Variants in FMNL2 observed in about 807,000 individuals in gnomAD.
The protein encoded by FMNL2 is formin like 2, also known as formin-like protein 2.
FMNL2 carries 51 observed loss-of-function variants against 130.2 expected under a neutral mutation model. The observed-to-expected ratio is 0.39, with a 90% CI of 0.31 to 0.49. FMNL2 has a LOEUF of 0.49. Among genes scored for constraint, FMNL2 ranks in the 20% least tolerant of loss-of-function variants. The pLI is 0.85. For synonymous variants in FMNL2, 465 were observed against 467.1 expected (o/e 1.00, Z 0.06); for missense variants, 977 against 1,316.2 (o/e 0.74, Z 3.99).
chr2:152,444,816 C>T (rs1398876793), intron 1 of FMNL2, among the ~76,000 whole-genome samples: 1 of 152,124 alleles, frequency 6.6e-6, no homozygotes, highest in Admixed American at 6.5e-5. Context: ...GTCCCCTGCT[C>T]CACCATGTGT....
chr2:152,513,936 A>G (rs560067178), intron 1 of FMNL2, among the ~76,000 whole-genome samples: 1 of 152,204 alleles, frequency 6.6e-6, no homozygotes, highest in African/African-American at 2.4e-5. Context: ...AAGAAGCTGA[A>G]TAGATTTTAG....
chr2:152,435,555 G>T (rs1255639019), intron 1 of FMNL2, among the ~76,000 whole-genome samples: 3 of 151,324 alleles, frequency 2.0e-5, no homozygotes, highest in African/African-American at 4.9e-5. Flanking sequence ...TAGGATATTA[G>T]GAAGAACCTC....
chr2:152,564,776 G>GTTT lies in FMNL2; in HGVS notation c.596+3761_596+3763dup, dbSNP rs56378937. ...CACTGCGTTCTAAAATACAAGGTTGGTTTTTTTTTTTTTTTTTTTTTTAAC... is the reference window on the plus strand; with the variant it reads ...CACTGCGTTCTAAAATACAAGGTTGGTTTTTTTTTTTTTTTTTTTTTTTTTAAC... On this transcript the variant is annotated intron_variant, in intron 6 of 25. Coordinates refer to ENST00000288670, the MANE Select transcript of FMNL2 (RefSeq NM_052905.4). Among the ~76,000 whole-genome samples, 480 of 79,318 alleles carry GTTT rather than the reference G, an allele frequency of 6.1e-3. 13 individuals are homozygous for GTTT. The highest frequency in any genetic ancestry group is 8.8e-3 in the South Asian group (17 of 1,926). 52.0% of individuals were successfully genotyped at this position (79,318 alleles called of 152,430 possible).
At chr2:152,627,746 T>A (rs759863549) in intron 17 of FMNL2, among the ~76,000 whole-genome samples, 1 of 152,220 alleles carries the variant, frequency 6.6e-6, no homozygotes, top group Non-Finnish European at 1.5e-5. Context: ...AAAAAGAACT[T>A]CAAGGAATGT....
chr2:152,491,428 C>T (rs976282845), intron 1 of FMNL2, among the ~76,000 whole-genome samples: 1 of 152,256 alleles, frequency 6.6e-6, no homozygotes, highest in Middle Eastern at 3.4e-3. Flanking sequence ...TATTTTCTAT[C>T]CTGATTCAGT....
At chr2:152,354,197 G>A (rs1420573508) in intron 1 of FMNL2, among the ~76,000 whole-genome samples, 1 of 152,176 alleles carries the variant, frequency 6.6e-6, no homozygotes, top group Non-Finnish European at 1.5e-5. Context: ...CCACTGAGCA[G>A]CTTGTTCACA....
intron 1 of FMNL2, among the ~76,000 whole-genome samples, chr2:152,449,127 T>C (rs1228858810): frequency 6.6e-6 from 1 of 152,228 alleles, no homozygotes; most frequent in Non-Finnish European, 1.5e-5. Flanking sequence ...TTGTGCCTCT[T>C]AGTTGCTAGA....
chr2:152,415,769 T>A (rs943488136), intron 1 of FMNL2, among the ~76,000 whole-genome samples: 4 of 152,238 alleles, frequency 2.6e-5, no homozygotes, highest in African/African-American at 9.6e-5. Context: ...TTAAACATTG[T>A]AAACTTTCAG....
rs570392772 is a variant in FMNL2, at chr2:152,649,377, GT to G, written c.*1480del. The G allele has an allele frequency of 2.0e-5, 3 of 152,036 alleles. No homozygotes were observed. Among genetic ancestry groups the G allele is most frequent in the Admixed American group, 6.6e-5 (1 of 15,214 alleles). The allele number at this position is 152,036 out of a possible 1,614,324, so 9.4% of individuals were successfully genotyped here. On this transcript the variant is annotated 3_prime_UTR_variant, in exon 26 of 26. Transcript: ENST00000288670. ...AATCTGAATGTTATTTTAACTTATA[GT>G]TTTTTTTAATATATATATTTAACTA...
chr2:152,508,682 C>A (rs1388325995), intron 1 of FMNL2, among the ~76,000 whole-genome samples: 2 of 152,148 alleles, frequency 1.3e-5, no homozygotes, highest in African/African-American at 2.4e-5. Context: ...AGAAGCATAA[C>A]ACTGCTTTGT....
intron 3 of FMNL2, among the ~76,000 whole-genome samples, chr2:152,548,537 C>A (rs1222038733): frequency 6.6e-6 from 1 of 152,200 alleles, no homozygotes; most frequent in Non-Finnish European, 1.5e-5. Flanking sequence ...TGCATGTTGT[C>A]ATTTGTGTCT....
intron 9 of FMNL2, among the ~76,000 whole-genome samples, chr2:152,606,592 TCC>T (rs1234308585): frequency 6.9e-6 from 1 of 145,406 alleles, no homozygotes; most frequent in African/African-American, 2.5e-5. Context: ...AGAAAAAAAG[TCC>T]CCAGAGAGTC....
At chr2:152,357,632 A>T (rs898495932) in intron 1 of FMNL2, among the ~76,000 whole-genome samples, 1 of 148,172 alleles carries the variant, frequency 6.7e-6, no homozygotes, top group African/African-American at 2.5e-5. Flanking sequence ...ATAAATATTA[A>T]ATCAGTTTAA....
At chr2:152,578,844 C>G in intron 7 of FMNL2, 44 bp from the exon 8 acceptor site, 1 of 1,531,358 alleles carries the variant, frequency 6.5e-7, no homozygotes, top group Non-Finnish European at 8.9e-7. Flanking sequence ...CCTAACTTGT[C>G]TCCCAATGCT....
At chr2:152,489,356 C>T (rs1304805233) in intron 1 of FMNL2, among the ~76,000 whole-genome samples, 1 of 152,240 alleles carries the variant, frequency 6.6e-6, no homozygotes, top group African/African-American at 2.4e-5. Context: ...TCTCTTCATT[C>T]CCTCTGTGTG....
chr2:152,535,366 C>T (rs550137914), intron 2 of FMNL2, among the ~76,000 whole-genome samples: 1 of 152,292 alleles, frequency 6.6e-6, no homozygotes, highest in South Asian at 2.1e-4. Flanking sequence ...ATTCAAAAGC[C>T]ACTTTCTCCA....
At chr2:152,490,376 C>T (rs561518234) in intron 1 of FMNL2, among the ~76,000 whole-genome samples, 1 of 152,056 alleles carries the variant, frequency 6.6e-6, no homozygotes, top group East Asian at 1.9e-4. Context: ...CGTAAGTGTA[C>T]AGCATCATTC....
chr2:152,338,878 T>A (rs1294413516), intron 1 of FMNL2, among the ~76,000 whole-genome samples: 1 of 149,752 alleles, frequency 6.7e-6, no homozygotes, highest in African/African-American at 2.4e-5. Flanking sequence ...TTTGTGTGTG[T>A]GTATGTGCAA....
chr2:152,607,019 T>G (rs199759321), intron 9 of FMNL2, among the ~76,000 whole-genome samples: 24,696 of 145,450 alleles, frequency 0.17, 1,008 homozygotes, highest in Non-Finnish European at 0.23. Context: ...TTTTTTTTTT[T>G]TTTTTACCAT....
Sources: gnomAD v4.1 joint callset for allele counts (sites outside exome capture counted in the v4.1 genomes callset) on GRCh38, gnomAD v4.1.1 for gene constraint, MANE v1.5 for transcripts, NCBI Gene and HGNC (gene_info 2026-07-23, HGNC 2026-07-21) for gene names.